Variants in DENND1A observed in about 807,000 individuals in gnomAD.
DENND1A encodes the protein DENN domain containing 1A, also known as DENN domain-containing protein 1A.
In DENND1A, 51 loss-of-function variants were observed where a neutral mutation model predicts 113.7. The observed-to-expected ratio is 0.45, with a 90% CI of 0.36 to 0.57. The LOEUF (loss-of-function observed/expected upper bound fraction) is 0.57, where lower values mean the gene tolerates loss of function less well. Among genes scored for constraint, DENND1A ranks in the 20% least tolerant of loss-of-function variants. The pLI is 0.00. For synonymous variants in DENND1A, 565 were observed against 570.8 expected (o/e 0.99, Z 0.14); for missense variants, 1,258 against 1,395.9 (o/e 0.90, Z 1.57).
At chr9:123,577,396 G>C (rs1184465128) in intron 12 of DENND1A, among the ~76,000 whole-genome samples, 1 of 151,624 alleles carries the variant, frequency 6.6e-6, no homozygotes, top group Middle Eastern at 3.2e-3. Flanking sequence ...CATATTTATA[G>C]TCTTCATAAA....
At chr9:123,401,603 T>C in intron 21 of DENND1A, 1 of 1,422,076 alleles carries the variant, frequency 7.0e-7, no homozygotes, top group South Asian at 1.5e-5. Context: ...ATGCTCCCAC[T>C]GGTTTATTTC....
intron 2 of DENND1A, among the ~76,000 whole-genome samples, chr9:123,809,007 G>C (rs1836087346): frequency 6.6e-6 from 1 of 152,214 alleles, no homozygotes; most frequent in Non-Finnish European, 1.5e-5. Context: ...CTAAGATCCT[G>C]GGTATGATTT....
chr9:123,568,292 C>T (rs535696623), intron 12 of DENND1A, among the ~76,000 whole-genome samples: 1 of 152,288 alleles, frequency 6.6e-6, no homozygotes, highest in Admixed American at 6.5e-5. Flanking sequence ...TACTTGGCCC[C>T]TTTTCTTCAT....
At chr9:123,780,005 C>T (rs1831050511) in intron 3 of DENND1A, among the ~76,000 whole-genome samples, 1 of 152,048 alleles carries the variant, frequency 6.6e-6, no homozygotes, top group Admixed American at 6.6e-5. Flanking sequence ...AGGCGCCCCC[C>T]CACCACGCCA....
chr9:123,444,381 T>C (rs1438888341), intron 18 of DENND1A, among the ~76,000 whole-genome samples: 2 of 152,344 alleles, frequency 1.3e-5, no homozygotes, highest in East Asian at 3.9e-4. Flanking sequence ...AATAATGACA[T>C]GTGGGCCTGG....
intron 21 of DENND1A, chr9:123,400,233 T>C (rs1433854690): frequency 6.6e-6 from 1 of 152,268 alleles, no homozygotes; most frequent in Non-Finnish European, 1.5e-5. Context: ...CTAGGAAACC[T>C]ATCATTGATT....
intron 13 of DENND1A, among the ~76,000 whole-genome samples, chr9:123,512,600 G>C (rs566356518): frequency 6.6e-6 from 1 of 152,336 alleles, no homozygotes; most frequent in African/African-American, 2.4e-5. Flanking sequence ...AGCCAGCACT[G>C]ACAGAGCGTC....
intron 9 of DENND1A, among the ~76,000 whole-genome samples, chr9:123,635,987 T>C (rs1355774107): frequency 6.6e-6 from 1 of 152,210 alleles, no homozygotes; most frequent in Non-Finnish European, 1.5e-5. Flanking sequence ...CTCACAATTC[T>C]AGAGGAATTG....
At chr9:123,508,507 A>G (rs1261193606) in intron 13 of DENND1A, among the ~76,000 whole-genome samples, 1 of 152,242 alleles carries the variant, frequency 6.6e-6, no homozygotes, top group Non-Finnish European at 1.5e-5. Flanking sequence ...GATGATAATC[A>G]CTTTTCTTTA....
At chr9:123,581,597 C>T (rs1193638595) in intron 12 of DENND1A, among the ~76,000 whole-genome samples, 1 of 151,840 alleles carries the variant, frequency 6.6e-6, no homozygotes, top group African/African-American at 2.4e-5. Flanking sequence ...TGCACTCCAG[C>T]CTGGGTGACA....
intron 19 of DENND1A, among the ~76,000 whole-genome samples, chr9:123,430,128 C>T (rs527880011): frequency 1.3e-5 from 2 of 152,190 alleles, no homozygotes; most frequent in African/African-American, 4.8e-5. Context: ...CAAGTCAAAA[C>T]CACAATGAGA....
intron 10 of DENND1A, among the ~76,000 whole-genome samples, chr9:123,618,175 T>A (rs1393759680): frequency 1.3e-5 from 2 of 152,200 alleles, no homozygotes; most frequent in African/African-American, 4.8e-5. Context: ...AGGCACACTA[T>A]CTCCAGAAGC....
rs184231648 is a variant in DENND1A, at chr9:123,397,343, C to T, written c.1631+6059G>A. Among the ~76,000 whole-genome samples the T allele has an allele frequency of 3.1e-3, 477 of 152,266 alleles. 1 individual carries two copies. The highest frequency in any genetic ancestry group is 3.8e-3 in the Non-Finnish European group (258 of 68,024). On this transcript the variant is annotated intron_variant, in intron 21 of 23. Transcript: ENST00000394215. The stretch of plus-strand genomic sequence containing the variant: ...CTGATTTTTGTATGTTTAGTAGAGA[C>T]GGAGTTTTGCCATGTTGGCCAGGCT...
chr9:123,499,281 G>T (rs570782231), intron 13 of DENND1A, among the ~76,000 whole-genome samples: 1 of 151,392 alleles, frequency 6.6e-6, no homozygotes, highest in Non-Finnish European at 1.5e-5. Flanking sequence ...CGATCCACCC[G>T]CCTCGGCCTC....
At chr9:123,457,541 A>G (rs2048218513) in intron 14 of DENND1A, 106 bp from the exon 15 acceptor site, 1 of 953,042 alleles carries the variant, frequency 1.0e-6, no homozygotes, top group Admixed American at 2.2e-5. Context: ...TTCAAAAAGT[A>G]AGGTTCAACA....
chr9:123,394,587 T>C (rs1024652120), intron 21 of DENND1A, among the ~76,000 whole-genome samples: 2 of 152,206 alleles, frequency 1.3e-5, no homozygotes, highest in Non-Finnish European at 2.9e-5. Context: ...TACTTCTCAG[T>C]CTGTAGGTTC....
intron 13 of DENND1A, among the ~76,000 whole-genome samples, chr9:123,499,728 G>GA (rs2052299390): frequency 1.3e-5 from 2 of 152,220 alleles, no homozygotes; most frequent in African/African-American, 4.8e-5. Flanking sequence ...GTTGATGTTG[G>GA]AAATTCATCC....
intron 19 of DENND1A, among the ~76,000 whole-genome samples, chr9:123,417,897 A>G (rs181291869): frequency 0.019 from 2,803 of 150,094 alleles, 76 homozygotes; most frequent in African/African-American, 0.065. Context: ...GGGGGGGGGC[A>G]GTGGTAGGGA....
intron 2 of DENND1A, among the ~76,000 whole-genome samples, chr9:123,796,899 T>TCAAAACG (rs1488662220): frequency 6.6e-6 from 1 of 152,120 alleles, no homozygotes; most frequent in African/African-American, 2.4e-5. Flanking sequence ...CGACTTCACT[T>TCAAAACG]TGTACAAAAC....
Sources: allele counts gnomAD v4.1 joint callset (sites outside exome capture counted in the v4.1 genomes callset), GRCh38; gene constraint gnomAD v4.1.1; transcripts MANE v1.5; gene names NCBI Gene and HGNC (gene_info 2026-07-23, HGNC 2026-07-21).